CCND3: variants seen among roughly 807,000 people sequenced by gnomAD.
The protein encoded by CCND3 is G1/S-specific cyclin-D3.
Under a neutral mutation model 28.7 loss-of-function variants are expected in CCND3, and 9 were observed. The observed-to-expected ratio is 0.31, with a 90% confidence interval of 0.19 to 0.55. The LOEUF (loss-of-function observed/expected upper bound fraction) is 0.55. Among genes scored for constraint, CCND3 ranks in the 20% least tolerant of loss-of-function variants. The pLI is 0.93. For synonymous variants in CCND3, 164 were observed against 163.9 expected, an observed-to-expected ratio of 1.00 and a Z score of 0.00; for missense variants, 315 against 385.8, an observed-to-expected ratio of 0.82 and a Z score of 1.54.
At chr6:42,007,167 A>G (rs1216022812) in intron 1 of CCND3, among the ~76,000 whole-genome samples, 5 of 152,236 alleles carry the variant, frequency 3.3e-5, no homozygotes, top group African/African-American at 9.6e-5. Context: ...TCATAAGTCA[A>G]TTTTAACATT....
At chr6:42,047,747 G>C (rs1764588131) in intron 1 of CCND3, among the ~76,000 whole-genome samples, 1 of 152,136 alleles carries the variant, frequency 6.6e-6, no homozygotes, top group South Asian at 2.1e-4. Flanking sequence ...CCACAGCTGG[G>C]GTTCAATCCA....
At chr6:41,977,197 A>G (rs1762208912) in intron 1 of CCND3, among the ~76,000 whole-genome samples, 1 of 152,188 alleles carries the variant, frequency 6.6e-6, no homozygotes, top group African/African-American at 2.4e-5. Context: ...AGAAATTTAC[A>G]TTTCAAAGAC....
intron 1 of CCND3, among the ~76,000 whole-genome samples, chr6:42,008,733 T>C (rs7756304): frequency 2.6e-5 from 4 of 152,204 alleles, no homozygotes; most frequent in Non-Finnish European, 5.9e-5. Context: ...TTATGGTTTT[T>C]TGGTTGGTTG....
intron 1 of CCND3, among the ~76,000 whole-genome samples, chr6:42,027,324 C>T (rs1582178429): frequency 6.6e-6 from 1 of 151,986 alleles, no homozygotes; most frequent in South Asian, 2.1e-4. Flanking sequence ...CCTATAGTCC[C>T]AGCTACTCGG....
At chr6:41,971,796 C>T (rs992750876) in intron 1 of CCND3, among the ~76,000 whole-genome samples, 3 of 151,376 alleles carry the variant, frequency 2.0e-5, no homozygotes, top group Admixed American at 1.3e-4. Context: ...CCTCGGCCTC[C>T]CAAAGTGCTG....
Position 41,941,632 on chromosome 6 carries a change from G to C in CCND3, c.18C>G (p.Cys6Trp). The C allele has an allele frequency of 6.6e-7, 1 of 1,507,668 alleles. No individual in the cohort carries two copies. Among genetic ancestry groups the C allele is most frequent in the Non-Finnish European group, 8.9e-7 (1 of 1,126,720 alleles). 93.4% of individuals were successfully genotyped at this position (1,507,668 alleles called of 1,614,324 possible). The change falls in exon 1 of 5, where the codon TGC (cysteine) becomes TGG (tryptophan). Residue 6 changes from cysteine to tryptophan, a missense_variant. By Grantham distance (215) the Cys-to-Trp change is radical (BLOSUM62 -2). Transcript: ENST00000372991. The surrounding 1 kb of genome is among the most constrained non-coding windows in gnomAD (Gnocchi z 6.1). ...CCCGGGGCGCGTGCCGGGTGCCTTC[G>C]CAACACAGCAGCTCCATACTCGGGC... MELLCCEGTRHAPRAG... is the reference protein window; with the variant it reads MELLCWEGTRHAPRAG...
intron 1 of CCND3, among the ~76,000 whole-genome samples, chr6:42,042,606 C>T (rs559590521): frequency 9.2e-5 from 14 of 152,230 alleles, no homozygotes; most frequent in Non-Finnish European, 1.6e-4. Flanking sequence ...GTGATCCACC[C>T]GCCTCAGCCT....
chr6:41,950,998 G>T (rs892428268), intron 1 of CCND3, among the ~76,000 whole-genome samples: 1 of 151,986 alleles, frequency 6.6e-6, no homozygotes, highest in Non-Finnish European at 1.5e-5. Flanking sequence ...GTGAGCCACT[G>T]CGCTGGGCCG....
rs1775736207 is a variant in CCND3 at position 41,935,376 on chromosome 6, A to C, written c.*564T>G. ...CTGAGCAGAAAGCAAAGCAAAGAGG[A>C]ATTTATAGCTTCTCTGGCTGAGGCC... On this transcript the variant is annotated 3_prime_UTR_variant, in exon 5 of 5. Transcript: ENST00000372991. 1 of 238,226 alleles carries C rather than the reference A, an allele frequency of 4.2e-6. No individual in the cohort carries two copies. Among genetic ancestry groups the C allele is most frequent in the Non-Finnish European group, 8.2e-6 (1 of 121,452 alleles). The allele number at this position is 238,226 out of a possible 1,614,324, so 14.8% of individuals were successfully genotyped here.
At chr6:41,962,575 G>C (rs1761749698) in intron 1 of CCND3, among the ~76,000 whole-genome samples, 1 of 152,110 alleles carries the variant, frequency 6.6e-6, no homozygotes, top group South Asian at 2.1e-4. Flanking sequence ...AACCTAGCAA[G>C]ACCCCGTCTC....
rs550094981 is a variant in CCND3, at chr6:41,957,783, T to C, written c.-45-17198A>G. Among the ~76,000 whole-genome samples, 24 of 152,328 alleles carry C rather than the reference T, an allele frequency of 1.6e-4. 1 individual carries two copies. In the East Asian group the frequency reaches 4.6e-3, roughly 29 times the overall value. On this transcript the variant is annotated intron_variant, in intron 1 of 4. Coordinates refer to the CCND3 transcript ENST00000372988. ...TGTTTGGATAGTCTTTCCCAACCTGTTGTCAGCCATTCACAGTTCCAGATT... is the reference window on the plus strand; with the variant it reads ...TGTTTGGATAGTCTTTCCCAACCTGCTGTCAGCCATTCACAGTTCCAGATT...
At chr6:42,000,402 G>A (rs575605140) in intron 1 of CCND3, among the ~76,000 whole-genome samples, 6 of 149,810 alleles carry the variant, frequency 4.0e-5, no homozygotes, top group Non-Finnish European at 5.9e-5. Context: ...CACCACACCC[G>A]GCTAATTTTT....
intron 1 of CCND3, chr6:42,031,303 C>T (rs1764035918): frequency 2.0e-5 from 3 of 152,442 alleles, no homozygotes; most frequent in African/African-American, 7.2e-5. Flanking sequence ...CCACCCCTAA[C>T]TGCCATGACA....
chr6:41,978,940 G>A lies in CCND3; in HGVS notation c.-45-38355C>T, dbSNP rs187624168. Among the ~76,000 whole-genome samples, 23 of 152,236 alleles carry A rather than the reference G, an allele frequency of 1.5e-4. No homozygotes were observed. The East Asian group carries it at 4.4e-3, about 29-fold the overall frequency. On this transcript the variant is annotated intron_variant, in intron 1 of 4. Coordinates refer to the CCND3 transcript ENST00000372988. ...CGCCTTTAATCCCAGCACTTTGGGA[G>A]GTAGGCGGATTACCTGAGGTCAGGA...
In CCND3 at chr6:42,048,733, G is replaced by A. The variant is rs760980272; in HGVS notation, c.-278C>T. The A allele has an allele frequency of 2.0e-6, 1 of 499,550 alleles. No individual in the cohort carries two copies. Among genetic ancestry groups the A allele is most frequent in the South Asian group, 1.5e-5 (1 of 68,856 alleles). The allele number at this position is 499,550 out of a possible 1,614,324, so 30.9% of individuals were successfully genotyped here. On this transcript the variant is annotated 5_prime_UTR_variant, in exon 1 of 5. Transcript: ENST00000372988. This position sits in a 1 kb window ranked among gnomAD's most constrained non-coding sequence, Gnocchi z 4.7. The stretch of plus-strand genomic sequence containing the variant: ...GCCGATCCAGAGCTGGGCAGGAAGT[G>A]GGGAAGAGGGGGCGGAGGAGACAAA...
intron 1 of CCND3, among the ~76,000 whole-genome samples, chr6:41,989,467 C>G (rs4714530): frequency 1.1e-5 from 1 of 95,202 alleles, no homozygotes; most frequent in African/African-American, 3.6e-5. Context: ...AAAAAAAAAA[C>G]AAAAAAAAAA....
intron 1 of CCND3, among the ~76,000 whole-genome samples, chr6:42,002,155 G>C (rs1187057952): frequency 6.6e-6 from 1 of 150,620 alleles, no homozygotes; most frequent in Non-Finnish European, 1.5e-5. Flanking sequence ...CTTAAGATCT[G>C]TGTATTTTGG....
chr6:42,009,775 C>A (rs1763286575), intron 1 of CCND3, among the ~76,000 whole-genome samples: 1 of 152,032 alleles, frequency 6.6e-6, no homozygotes, highest in African/African-American at 2.4e-5. Flanking sequence ...CCACTGAACT[C>A]CAGCCTAGGT....
intron 1 of CCND3, among the ~76,000 whole-genome samples, chr6:42,007,505 A>G (rs190870862): frequency 3.7e-4 from 56 of 152,316 alleles, no homozygotes; most frequent in African/African-American, 1.3e-3. Context: ...GCGGAGCCCA[A>G]ATGCAGGGGG....
Sources: gnomAD v4.1 joint callset for allele counts (sites outside exome capture counted in the v4.1 genomes callset) on GRCh38, gnomAD v4.1.1 for gene constraint, Gnocchi (gnomAD v3.1) non-coding constraint, MANE v1.5 for transcripts, NCBI Gene and HGNC (gene_info 2026-07-23, HGNC 2026-07-21) for gene names.